Variants in IL1RAPL2 observed in about 807,000 individuals in gnomAD.
IL1RAPL2 encodes interleukin 1 receptor accessory protein like 2, also known as X-linked interleukin-1 receptor accessory protein-like 2.
A neutral mutation model predicts 44.1 loss-of-function variants in IL1RAPL2; 3 were observed. The observed-to-expected ratio is 0.07, with a 90% CI of 0.03 to 0.18. The LOEUF (loss-of-function observed/expected upper bound fraction) is 0.18, where lower values mean the gene tolerates loss of function less well. IL1RAPL2 is among the 10% of genes least tolerant of loss of function. IL1RAPL2 has a pLI of 1.00. For missense variants in IL1RAPL2, 391 were observed against 496.4 expected (o/e 0.79, Z 2.02); for synonymous variants, 181 against 178.8 (o/e 1.01, Z -0.10).
At chrX:105,709,282 A>T (rs1050732408) in intron 6 of IL1RAPL2, among the ~76,000 whole-genome samples, 1 of 111,925 alleles carries the variant, frequency 8.9e-6, no homozygotes, top group Non-Finnish European at 1.9e-5. Flanking sequence ...AGGTTAAGGG[A>T]TACACAGGAA....
At chrX:104,593,175 A>G (rs758746060) in intron 1 of IL1RAPL2, among the ~76,000 whole-genome samples, 1 of 111,925 alleles carries the variant, frequency 8.9e-6, no homozygotes, top group South Asian at 3.7e-4. Context: ...GACTATATAC[A>G]TCTTTATAAT....
intron 2 of IL1RAPL2, among the ~76,000 whole-genome samples, chrX:104,727,925 C>T (rs1931829766): frequency 9.1e-6 from 1 of 109,426 alleles, no homozygotes; most frequent in South Asian, 3.9e-4. Flanking sequence ...ATGGGCATAG[C>T]AAGTGGAATA....
At chrX:105,402,766 T>C (rs993849525) in intron 5 of IL1RAPL2, among the ~76,000 whole-genome samples, 5 of 111,920 alleles carry the variant, frequency 4.5e-5, no homozygotes, top group African/African-American at 1.6e-4. Flanking sequence ...CTTTGTTTCC[T>C]ACAAAAGAAT....
intron 2 of IL1RAPL2, among the ~76,000 whole-genome samples, chrX:104,961,080 GATA>G (rs2029996948): frequency 1.8e-5 from 2 of 111,363 alleles, no homozygotes; most frequent in Non-Finnish European, 3.8e-5. Context: ...TAAAAAAAAA[GATA>G]ATTGGATGAC....
chrX:104,986,973 G>T (rs1431533174), intron 2 of IL1RAPL2, among the ~76,000 whole-genome samples: 1 of 112,294 alleles, frequency 8.9e-6, no homozygotes, highest in African/African-American at 3.2e-5. Context: ...GACATGAAAT[G>T]CACATGCAGT....
intron 5 of IL1RAPL2, among the ~76,000 whole-genome samples, chrX:105,415,293 T>C (rs1201680009): frequency 9.0e-6 from 1 of 111,013 alleles, no homozygotes; most frequent in Non-Finnish European, 1.9e-5. Flanking sequence ...TGTGGTGGAG[T>C]AGGTGTTGGA....
chrX:105,150,578 C>G (rs1428771583), intron 2 of IL1RAPL2, among the ~76,000 whole-genome samples: 2 of 111,960 alleles, frequency 1.8e-5, no homozygotes, highest in Non-Finnish European at 3.8e-5. Flanking sequence ...TCAGACTAGA[C>G]TGGACTGACA....
At chrX:105,416,490 G>T (rs2035734080) in intron 5 of IL1RAPL2, among the ~76,000 whole-genome samples, 1 of 112,064 alleles carries the variant, frequency 8.9e-6, no homozygotes, top group African/African-American at 3.2e-5. Context: ...ATTTGTATCT[G>T]TAAAGCAGGA....
chrX:105,372,166 TG>T (rs1931824494), intron 5 of IL1RAPL2, among the ~76,000 whole-genome samples: 2 of 111,339 alleles, frequency 1.8e-5, no homozygotes, highest in African/African-American at 6.5e-5. Context: ...TTAGGCACAG[TG>T]GCTCACGACT....
chrX:105,043,566 GAAA>G (rs34802100), intron 2 of IL1RAPL2, among the ~76,000 whole-genome samples: 3,801 of 65,295 alleles, frequency 0.058, 215 homozygotes, highest in African/African-American at 0.18. Context: ...TCTCAAAGCA[GAAA>G]AAAAAAAAAA....
At chrX:105,203,418 G>A (rs144615391) in intron 3 of IL1RAPL2, among the ~76,000 whole-genome samples, 99 of 112,095 alleles carry the variant, frequency 8.8e-4, no homozygotes, top group African/African-American at 3.1e-3. Context: ...GAATTATCTG[G>A]TTATGGTATC....
intron 6 of IL1RAPL2, among the ~76,000 whole-genome samples, chrX:105,684,613 C>T (rs1324271512): frequency 8.9e-6 from 1 of 112,732 alleles, no homozygotes; most frequent in Non-Finnish European, 1.9e-5. Context: ...CATAGCTGAA[C>T]AAAAGGCAGC....
intron 6 of IL1RAPL2, among the ~76,000 whole-genome samples, chrX:105,679,969 T>G (rs2037909266): frequency 9.0e-6 from 1 of 111,471 alleles, no homozygotes; most frequent in Non-Finnish European, 1.9e-5. Flanking sequence ...ATTTTGCCAA[T>G]AGTATCTACA....
intron 6 of IL1RAPL2, among the ~76,000 whole-genome samples, chrX:105,706,018 A>T (rs1445283733): frequency 9.0e-6 from 1 of 111,432 alleles, no homozygotes; most frequent in Non-Finnish European, 1.9e-5. Context: ...TTTTCATATT[A>T]AAAAATTACA....
At chrX:104,963,958 A>G (rs766694428) in intron 2 of IL1RAPL2, among the ~76,000 whole-genome samples, 2 of 108,854 alleles carry the variant, frequency 1.8e-5, no homozygotes, top group African/African-American at 3.3e-5. Context: ...AGAGAGAGAG[A>G]GGGAGATAGA....
chrX:104,889,972 C>T (rs1923373034), intron 2 of IL1RAPL2, among the ~76,000 whole-genome samples: 1 of 110,603 alleles, frequency 9.0e-6, no homozygotes, highest in Non-Finnish European at 1.9e-5. Context: ...AAGACAGGTC[C>T]TGGTGTGTGA....
intron 3 of IL1RAPL2, chrX:105,219,963 C>T (rs1556178108): frequency 8.4e-7 from 1 of 1,195,833 alleles, no homozygotes; most frequent in South Asian, 1.8e-5. Context: ...TCCAACTCAC[C>T]TTGTCTCTCT....
intron 7 of IL1RAPL2, among the ~76,000 whole-genome samples, chrX:105,727,010 A>G (rs2038357858): frequency 9.2e-6 from 1 of 108,416 alleles, no homozygotes; most frequent in Admixed American, 9.9e-5. Flanking sequence ...TAACACCAAG[A>G]AAGAGATCTT....
At chrX:105,029,879 G>T (rs1365603402) in intron 2 of IL1RAPL2, among the ~76,000 whole-genome samples, 1 of 111,467 alleles carries the variant, frequency 9.0e-6, no homozygotes, top group Non-Finnish European at 1.9e-5. Context: ...CAGTGTAAAA[G>T]TGTTCCTATT....
Sources: gnomAD v4.1 joint callset for allele counts (sites outside exome capture counted in the v4.1 genomes callset) on GRCh38, gnomAD v4.1.1 for gene constraint, MANE v1.5 for transcripts, NCBI Gene and HGNC (gene_info 2026-07-23, HGNC 2026-07-21) for gene names.